Variants in BMPER observed in about 807,000 individuals in gnomAD.
The protein encoded by BMPER is BMP binding endothelial regulator, also known as BMP-binding endothelial regulator protein.
BMPER carries 45 observed loss-of-function variants against 87.3 expected under a neutral mutation model. That is an observed-to-expected ratio of 0.52 (90% CI 0.41 to 0.66). BMPER has a LOEUF of 0.66. BMPER is among the 30% of genes least tolerant of loss of function. The pLI, the probability that BMPER is intolerant of heterozygous loss-of-function variation, is 0.00. For synonymous variants in BMPER, 326 were observed against 316.2 expected (o/e 1.03, Z -0.33); for missense variants, 784 against 867.5 (o/e 0.90, Z 1.21).
intron 11 of BMPER, among the ~76,000 whole-genome samples, chr7:34,072,082 C>T (rs1788749656): frequency 6.6e-6 from 1 of 152,116 alleles, no homozygotes; most frequent in Non-Finnish European, 1.5e-5. Context: ...CCATGGGCAA[C>T]AAGGCAACTT....
chr7:34,083,973 T>G (rs1025994130), intron 12 of BMPER, among the ~76,000 whole-genome samples: 9 of 150,914 alleles, frequency 6.0e-5, no homozygotes, highest in Non-Finnish European at 1.0e-4. Context: ...TGAAAAATGT[T>G]TTTGTCAGGA....
At position 33,947,676 on chromosome 7, in the gene BMPER, A is replaced by G. The variant is rs565089730; in HGVS notation, c.319+10288A>G. ...ATTAAAGAGCAAAACATGCATTGTGAAATTTAAGAGAATTGAGCTCATGTC... is the reference window on the plus strand; with the variant it reads ...ATTAAAGAGCAAAACATGCATTGTGGAATTTAAGAGAATTGAGCTCATGTC... On this transcript the variant is annotated intron_variant, in intron 3 of 14. Transcript: ENST00000649409. Among the ~76,000 whole-genome samples the G allele has an allele frequency of 3.3e-5, 5 of 152,340 alleles. No homozygotes were observed. The East Asian group carries it at 7.7e-4, about 23-fold the overall frequency.
chr7:34,111,170 G>A (rs10228731), intron 13 of BMPER, among the ~76,000 whole-genome samples: 3 of 151,806 alleles, frequency 2.0e-5, no homozygotes, highest in African/African-American at 7.3e-5. Context: ...TTATTTTTTC[G>A]TAAGCGTTTA....
chr7:33,945,928 G>A (rs1784883218), intron 3 of BMPER, among the ~76,000 whole-genome samples: 1 of 152,126 alleles, frequency 6.6e-6, no homozygotes, highest in Non-Finnish European at 1.5e-5. Context: ...TCATTAAGGG[G>A]ACACAGAGAA....
At chr7:34,130,353 G>A (rs75576503) in intron 13 of BMPER, among the ~76,000 whole-genome samples, 11,103 of 152,060 alleles carry the variant, frequency 0.073, 427 homozygotes, top group African/African-American at 0.09. Context: ...CACCACTCTT[G>A]TAAAAGTATT....
chr7:33,998,420 G>A (rs1016304011), intron 6 of BMPER, among the ~76,000 whole-genome samples: 20 of 152,142 alleles, frequency 1.3e-4, no homozygotes, highest in Non-Finnish European at 2.8e-4. Context: ...AGTACTGTTT[G>A]CTTTTAAATT....
At chr7:34,000,016 G>A (rs1398814864) in intron 6 of BMPER, among the ~76,000 whole-genome samples, 4 of 152,170 alleles carry the variant, frequency 2.6e-5, no homozygotes, top group Admixed American at 1.3e-4. Flanking sequence ...TCACAAATTG[G>A]TTAACATCTG....
At chr7:34,097,265 G>A (rs1789554361) in intron 13 of BMPER, among the ~76,000 whole-genome samples, 1 of 152,232 alleles carries the variant, frequency 6.6e-6, no homozygotes, top group Non-Finnish European at 1.5e-5. Context: ...TGGAGGCTAG[G>A]GAGAGCCTGG....
At chr7:34,044,780 A>G (rs573497933) in intron 6 of BMPER, among the ~76,000 whole-genome samples, 65 of 151,786 alleles carry the variant, frequency 4.3e-4, no homozygotes, top group African/African-American at 1.5e-3. Flanking sequence ...TAAAGAGGTG[A>G]AAAAAAATAG....
intron 6 of BMPER, among the ~76,000 whole-genome samples, chr7:34,015,742 A>C (rs1787004416): frequency 1.3e-5 from 2 of 151,980 alleles, no homozygotes; most frequent in South Asian, 4.1e-4. Flanking sequence ...AGCCCTCAAA[A>C]CTGGAACAAT....
intron 2 of BMPER, among the ~76,000 whole-genome samples, chr7:33,912,155 CT>C (rs1200650450): frequency 6.6e-6 from 1 of 152,164 alleles, no homozygotes; most frequent in Non-Finnish European, 1.5e-5. Flanking sequence ...AAAAACACAA[CT>C]TTCCGTGGAA....
chr7:34,032,716 A>T (rs1389648789), intron 6 of BMPER, among the ~76,000 whole-genome samples: 1 of 152,168 alleles, frequency 6.6e-6, no homozygotes, highest in African/African-American at 2.4e-5. Context: ...AGTTTTAAGA[A>T]TGCTTCTGCT....
At chr7:34,040,999 C>A (rs1466735996) in intron 6 of BMPER, among the ~76,000 whole-genome samples, 2 of 152,178 alleles carry the variant, frequency 1.3e-5, no homozygotes, top group Admixed American at 1.3e-4. Context: ...CAACCAGCAT[C>A]TACCAGGGAA....
Position 34,111,860 on chromosome 7 carries a change from C to T in BMPER, c.1745+25768C>T, listed in dbSNP as rs111696177. ...TCCCAAGTAGCTGGGATTATAGGCA[C>T]GCACCACCACGCCTGGCTACTTCTG... On this transcript the variant is annotated intron_variant, in intron 13 of 14. Coordinates refer to ENST00000649409, the MANE Select transcript of BMPER (RefSeq NM_001365308.1). 8.3e-3 allele frequency among the ~76,000 whole-genome samples: 1,267 copies of T among 152,168 alleles called. 15 individuals carry two copies. Among genetic ancestry groups the T allele is most frequent in the African/African-American group, 0.029 (1,219 of 41,494 alleles).
chr7:33,921,114 C>A (rs1784220034), intron 2 of BMPER, among the ~76,000 whole-genome samples: 2 of 152,196 alleles, frequency 1.3e-5, no homozygotes, highest in Admixed American at 6.5e-5. Context: ...TTACTCCTCT[C>A]TCCTCTAGAT....
chr7:34,013,295 C>G (rs548959246), intron 6 of BMPER, among the ~76,000 whole-genome samples: 11 of 151,530 alleles, frequency 7.3e-5, no homozygotes, highest in African/African-American at 2.7e-4. Flanking sequence ...CTGTCCTGTC[C>G]CCCACTCACT....
intron 10 of BMPER, 52 bp from the exon 11 acceptor site, chr7:34,061,950 G>GTTTA: frequency 1.7e-6 from 2 of 1,171,700 alleles, no homozygotes; most frequent in Non-Finnish European, 2.4e-6. Flanking sequence ...AGGAGACCCT[G>GTTTA]TTTTTTTTTT....
chr7:34,067,275 A>G (rs117431621), intron 11 of BMPER: 4 of 152,064 alleles, frequency 2.6e-5, no homozygotes, highest in African/African-American at 9.7e-5. Context: ...TACACCCACC[A>G]CAGCCACTCG....
intron 6 of BMPER, among the ~76,000 whole-genome samples, chr7:34,032,344 G>A (rs1162292457): frequency 1.3e-5 from 2 of 151,940 alleles, no homozygotes; most frequent in Non-Finnish European, 2.9e-5. Flanking sequence ...AGATCTTCTC[G>A]TGTCATCAGG....
Sources: gnomAD v4.1 joint callset for allele counts (sites outside exome capture counted in the v4.1 genomes callset) on GRCh38, gnomAD v4.1.1 for gene constraint, MANE v1.5 for transcripts, NCBI Gene and HGNC (gene_info 2026-07-23, HGNC 2026-07-21) for gene names.